The following TRO variants were observed in gnomAD, a reference collection of about 807,000 sequenced individuals.
The protein encoded by TRO is trophinin, also known as MAGE superfamily protein.
In TRO, 29 loss-of-function variants were observed where a neutral mutation model predicts 42.3. The ratio of observed to expected loss-of-function variants is 0.68; its 90% confidence interval spans 0.51 to 0.93. The LOEUF (loss-of-function observed/expected upper bound fraction) is 0.93. Ranked by LOEUF, TRO falls within the 40% of genes least tolerant of loss-of-function variation. The pLI, the probability that TRO is intolerant of heterozygous loss-of-function variation, is 0.00. For synonymous variants in TRO, 384 were observed against 425.2 expected (o/e 0.90, Z 1.19); for missense variants, 963 against 1,127.7 (o/e 0.85, Z 2.09).
rs1159373076 is a variant in TRO at position 54,922,219 on chromosome X, C to G, written c.-28C>G. 1.7e-6 allele frequency: 2 copies of G among 1,205,259 alleles called. No homozygotes were observed. The highest frequency in any genetic ancestry group is 2.2e-5 in the Admixed American group (1 of 45,600). On this transcript the variant is annotated 5_prime_UTR_variant, in exon 2 of 13. Transcript: ENST00000173898. ...CTAACTCAGGCCCATTCCCCTCAGG[C>G]TCACCTGTTACTCGGCCTCCCAGAA...
chrX:54,923,823 C>A (rs1211190155), intron 3 of TRO, 55 bp downstream of exon 3: 2 of 1,082,490 alleles, frequency 1.8e-6, no homozygotes, highest in Non-Finnish European at 2.5e-6. Context: ...CATTTCTACC[C>A]TTCTAGTTTG....
rs775044278 is a variant in TRO, at chrX:54,925,045, C to T, written c.1462C>T (p.Arg488Ter). The T allele has an allele frequency of 5.8e-6, 7 of 1,211,324 alleles. No homozygotes were observed. Among genetic ancestry groups the T allele is most frequent in the Non-Finnish European group, 6.7e-6 (6 of 895,165 alleles). ...YDEYFPEIIE[R>*]ASYTLEKMFR... Reference sequence around the variant, plus strand: ...TGAATATTTCCCAGAAATCATTGAACGAGCAAGCTACACTCTGGAGAAGGT... The same window carrying T: ...TGAATATTTCCCAGAAATCATTGAATGAGCAAGCTACACTCTGGAGAAGGT... Residue 488 changes from arginine (R) to a stop codon, truncating the protein, a stop_gained, in exon 6 of 13, where the codon CGA (arginine) becomes TGA (stop). Coordinates refer to ENST00000173898, the MANE Select transcript of TRO (RefSeq NM_001039705.3). LOFTEE classifies it high-confidence loss of function.
rs1455899274 is a variant in TRO, at chrX:54,924,498, G to T, written c.1284G>T (p.Arg428=). ...GDERSGSNYR[R]IPWGRRPAPP... ...AGAGAAGTGGCAGTAATTACAGGCG[G>T]ATCCCATGGGGCCGGAGGCCTGCAC... The change falls in exon 4 of 13, where the codon CGG becomes CGT. Residue 428 remains arginine (R), a synonymous_variant. Coordinates refer to ENST00000173898, the MANE Select transcript of TRO (RefSeq NM_001039705.3). 5.0e-6 allele frequency: 6 copies of T among 1,209,544 alleles called. No homozygotes were observed. The highest frequency in any genetic ancestry group is 6.7e-6 in the Non-Finnish European group (6 of 894,568).
In TRO at chrX:54,922,970, T is replaced by A; in HGVS notation, c.438T>A (p.Thr146=). The change falls in exon 3 of 13, where the codon ACT becomes ACA. Residue 146 remains threonine (T), a synonymous_variant. Transcript: ENST00000173898. ...PKKANKMKRV[T]AKAAQGSQSP... is the part of the protein sequence containing the mutation. ...AAGCCAACAAGATGAAGAGAGTTACTGCCAAGGCAGCCCAAGGCTCCCAAT... is the reference window on the plus strand; with the variant it reads ...AAGCCAACAAGATGAAGAGAGTTACAGCCAAGGCAGCCCAAGGCTCCCAAT... 1 of 1,212,093 alleles carries A rather than the reference T, an allele frequency of 8.3e-7. No homozygotes were observed. The highest frequency in any genetic ancestry group is 1.1e-6 in the Non-Finnish European group (1 of 895,623).
In TRO at chrX:54,930,788, C is replaced by T. The variant is rs976478710; in HGVS notation, c.4064C>T (p.Thr1355Met). 5.8e-6 allele frequency: 7 copies of T among 1,212,229 alleles called. No homozygotes were observed. The highest frequency in any genetic ancestry group is 3.0e-5 in the East Asian group (1 of 33,870). ...TTTACTGGCGAACCCAGCACCAGCA[C>T]GGGCTTCAGTAGTGGACCCAGTTCT... ...TGFTGEPSTS[T>M]GFSSGPSSIV... Residue 1355 changes from threonine to methionine, a missense_variant, in exon 12 of 13, where the codon ACG becomes ATG. This residue lies in a region of TRO where 641 missense variants were observed against 811.3 expected (regional missense o/e 0.79). Coordinates refer to ENST00000173898, the MANE Select transcript of TRO (RefSeq NM_001039705.3).
At chrX:54,925,169 C>A in intron 6 of TRO, 101 bp downstream of exon 6, 1 of 838,470 alleles carries the variant, frequency 1.2e-6, no homozygotes, top group Non-Finnish European at 1.7e-6. Flanking sequence ...CATGCTAATC[C>A]AGCCCCATTA....
rs754979161 is a variant in TRO, at chrX:54,923,539, G to A, written c.1007G>A (p.Arg336Gln). ...VTNQALAATL[R>Q]VKRGSRARKA... Reference sequence around the variant, plus strand: ...AACCAAGCCCTGGCAGCCACCCTGCGGGTCAAGAGAGGGTCTAGGGCTCGG... The same window carrying A: ...AACCAAGCCCTGGCAGCCACCCTGCAGGTCAAGAGAGGGTCTAGGGCTCGG... Residue 336 changes from arginine (R) to glutamine (Q), a missense_variant, in exon 3 of 13, where the codon CGG (arginine) becomes CAG (glutamine). By Grantham distance (43) the Arg-to-Gln change is conservative. Around this residue, in one of 2 missense-constraint regions of TRO, gnomAD observed 322 missense variants for 316.5 expected, o/e 1.02. Coordinates refer to ENST00000173898, the MANE Select transcript of TRO (RefSeq NM_001039705.3). 1.3e-5 allele frequency: 15 copies of A among 1,188,773 alleles called. No homozygotes were observed. The highest frequency in any genetic ancestry group is 6.1e-5 in the East Asian group (2 of 32,839).
intron 1 of TRO, 99 bp from the exon 2 acceptor site, chrX:54,922,104 G>A: frequency 3.2e-6 from 2 of 626,929 alleles, no homozygotes; most frequent in South Asian, 8.1e-5. Flanking sequence ...AAACCCAGGA[G>A]TTGAAGGGAT....
intron 2 of TRO, 100 bp downstream of exon 2, chrX:54,922,391 C>A: frequency 9.8e-7 from 1 of 1,023,258 alleles, no homozygotes; most frequent in Non-Finnish European, 1.3e-6. Flanking sequence ...AATTCCCTGC[C>A]TAACTCGTCT....
In TRO at chrX:54,924,529, C is replaced by T; in HGVS notation, c.1315C>T (p.Arg439Ter). ...IPWGRRPAPP[R>*]DVAILQERAN... Reference sequence around the variant, plus strand: ...ATGGGGCCGGAGGCCTGCACCACCGCGAGATGTGGCCATTTTACAAGAAAG... The same window carrying T: ...ATGGGGCCGGAGGCCTGCACCACCGTGAGATGTGGCCATTTTACAAGAAAG... The change falls in exon 4 of 13, where the codon CGA becomes TGA. Residue 439 changes from arginine to a stop codon, truncating the protein, a stop_gained. Transcript: ENST00000173898. LOFTEE classifies it high-confidence loss of function. 1.7e-6 allele frequency: 2 copies of T among 1,208,695 alleles called. No homozygotes were observed. Among genetic ancestry groups the T allele is most frequent in the East Asian group, 3.0e-5 (1 of 33,787 alleles).
chrX:54,928,719 C>T lies in TRO; in HGVS notation c.1995C>T (p.Ala665=). Residue 665 remains alanine (A), a synonymous_variant, in exon 12 of 13, where the codon GCC becomes GCT. Transcript: ENST00000173898. Reference sequence around the variant, plus strand: ...CTGAAGCCAGGGCTGAGGCAAGAGCCCAAATGGGGATTGGAGAGGAAGCTG... The same window carrying T: ...CTGAAGCCAGGGCTGAGGCAAGAGCTCAAATGGGGATTGGAGAGGAAGCTG... The part of the protein sequence containing the change: ...AEAEARAEAR[A]QMGIGEEAVA... 1 of 1,210,177 alleles carries T rather than the reference C, an allele frequency of 8.3e-7. No individual in the cohort carries two copies. The highest frequency in any genetic ancestry group is 1.1e-6 in the Non-Finnish European group (1 of 894,779).
rs201473056 is a variant in TRO at position 54,929,863 on chromosome X, G to A, written c.3139G>A (p.Val1047Ile). 185 of 1,203,321 alleles carry A rather than the reference G, an allele frequency of 1.5e-4. No individual in the cohort carries two copies. Among genetic ancestry groups the A allele is most frequent in the Non-Finnish European group, 1.9e-4 (170 of 892,514 alleles). Residue 1047 changes from valine (V) to isoleucine (I), a missense_variant, in exon 12 of 13, where the codon GTC (valine) becomes ATC (isoleucine). Val to Ile is a conservative substitution (Grantham distance 29, BLOSUM62 3). Around this residue, in one of 2 missense-constraint regions of TRO, gnomAD observed 641 missense variants for 811.3 expected, o/e 0.79. Coordinates refer to ENST00000173898, the MANE Select transcript of TRO (RefSeq NM_001039705.3). ...TDFGGTLSTS[V>I]CFGGSPSTSA... ...CTTTGGTGGTACACTAAGCACCAGC[G>A]TCTGTTTTGGTGGCTCTCCCAGCAC...
chrX:54,925,543 T>C lies in TRO; in HGVS notation c.1486-49T>C, dbSNP rs778666648. On this transcript the variant is annotated intron_variant, in intron 6 of 12. Coordinates refer to ENST00000173898, the MANE Select transcript of TRO (RefSeq NM_001039705.3). ...TTAGGATGCCCGGAAAGTTCACTGA[T>C]ACCTAAGCTGAATTTTGTGATCTCA... 7.1e-6 allele frequency: 8 copies of C among 1,124,091 alleles called. No homozygotes were observed. In the South Asian group the frequency reaches 7.6e-5, roughly 11 times the overall value. 92.6% of individuals were successfully genotyped at this position (1,124,091 alleles called of 1,213,427 possible).
intron 1 of TRO, 110 bp downstream of exon 1, chrX:54,920,988 GTTT>G: frequency 9.0e-6 from 1 of 111,447 alleles, no homozygotes; most frequent in Middle Eastern, 4.6e-3. Flanking sequence ...CCTGCTGGAG[GTTT>G]GGGACCTAAC....
At position 54,922,771 on chromosome X, in the gene TRO, C is replaced by T; in HGVS notation, c.239C>T (p.Thr80Ile). 1 of 1,204,509 alleles carries T rather than the reference C, an allele frequency of 8.3e-7. No homozygotes were observed. Among genetic ancestry groups the T allele is most frequent in the African/African-American group, 1.7e-5 (1 of 57,672 alleles). The change falls in exon 3 of 13, where the codon ACT (threonine) becomes ATT (isoleucine). Residue 80 changes from threonine (T) to isoleucine (I), a missense_variant. Thr to Ile is a moderately conservative substitution (Grantham distance 89, BLOSUM62 -1). Coordinates refer to ENST00000173898, the MANE Select transcript of TRO (RefSeq NM_001039705.3). ...KTKKAPIKTI[T>I]KAAPAAPPVP... ...AAGAAGGCCCCTATAAAGACTATTA[C>T]TAAGGCTGCACCTGCTGCCCCTCCA...
At chrX:54,927,314 T>C in intron 10 of TRO, 2 of 506,942 alleles carry the variant, frequency 3.9e-6, no homozygotes, top group East Asian at 6.7e-5. Context: ...TGGGGTGCGC[T>C]CAGAGCAGAG....
chrX:54,930,276 C>T lies in TRO; in HGVS notation c.3552C>T (p.Ser1184=), dbSNP rs754135041. The T allele has an allele frequency of 1.6e-5, 19 of 1,212,206 alleles. No homozygotes were observed. Among genetic ancestry groups the T allele is most frequent in the Non-Finnish European group, 2.1e-5 (19 of 895,552 alleles). The change falls in exon 12 of 13, where the codon AGC becomes AGT. Residue 1184 remains serine (S), a synonymous_variant. Transcript: ENST00000173898. ...GTGCCTGCTTTAGTGGTGCTACCAG[C>T]CCTAGTTTTTGTGATGGACCCAGCA... ...STSACFSGAT[S]PSFCDGPSTS...
intron 7 of TRO, 121 bp downstream of exon 7, chrX:54,925,804 C>T (rs1361105601): frequency 1.8e-6 from 1 of 551,873 alleles, no homozygotes; most frequent in Admixed American, 3.6e-5. Context: ...TCTCAAAAGC[C>T]CTGTCTCAGC....
At chrX:54,927,609 T>C in intron 10 of TRO, 58 bp from the exon 11 acceptor site, 1 of 969,478 alleles carries the variant, frequency 1.0e-6, no homozygotes, top group Non-Finnish European at 1.5e-6. Context: ...ACCTGGTGTC[T>C]AGTGCTTAGA....
Sources: gnomAD v4.1 joint callset for allele counts on GRCh38, gnomAD v4.1.1 for gene constraint, gnomAD v4.1.1 regional missense constraint, MANE v1.5 for transcripts, NCBI Gene and HGNC (gene_info 2026-07-23, HGNC 2026-07-21) for gene names.